Variants in GRM8 observed in about 807,000 individuals in gnomAD.
GRM8 encodes metabotropic glutamate receptor 8.
Under a neutral mutation model 87.2 loss-of-function variants are expected in GRM8, and 47 were observed. The ratio of observed to expected loss-of-function variants is 0.54; its 90% confidence interval spans 0.43 to 0.69. GRM8 has a LOEUF of 0.69. Ranked by LOEUF, GRM8 falls within the 30% of genes least tolerant of loss-of-function variation. The probability of loss-of-function intolerance (pLI) is 0.00; values close to 1 mark genes in which losing one functional copy is unlikely to be tolerated. For missense variants in GRM8, 1,019 were observed against 1,139.2 expected (o/e 0.89, Z 1.52); for synonymous variants, 396 against 404.5 (o/e 0.98, Z 0.25).
chr7:126,794,110 A>G (rs1308848517), intron 6 of GRM8, among the ~76,000 whole-genome samples: 2 of 152,162 alleles, frequency 1.3e-5, no homozygotes, highest in African/African-American at 4.8e-5. Flanking sequence ...ACAAAAACAA[A>G]GAGGCTAAAA....
intron 7 of GRM8, among the ~76,000 whole-genome samples, chr7:126,696,434 C>T (rs1364583284): frequency 6.6e-6 from 1 of 152,010 alleles, no homozygotes; most frequent in Non-Finnish European, 1.5e-5. Flanking sequence ...TCCCTGTATC[C>T]ATCTGTTCTC....
At chr7:126,813,852 G>T (rs1793522415) in intron 6 of GRM8, among the ~76,000 whole-genome samples, 2 of 151,988 alleles carry the variant, frequency 1.3e-5, no homozygotes, top group Non-Finnish European at 2.9e-5. Flanking sequence ...AGTAACCAAG[G>T]CTCATGTTTT....
chr7:126,880,507 A>G (rs1799932742), intron 6 of GRM8, among the ~76,000 whole-genome samples: 1 of 152,174 alleles, frequency 6.6e-6, no homozygotes, highest in South Asian at 2.1e-4. Flanking sequence ...GCTAGAAATG[A>G]GAATGATGTT....
chr7:126,776,859 G>A (rs1334160340), intron 6 of GRM8, among the ~76,000 whole-genome samples: 1 of 152,118 alleles, frequency 6.6e-6, no homozygotes, highest in Non-Finnish European at 1.5e-5. Flanking sequence ...GGATTCTAAG[G>A]CATGTTCTCT....
chr7:126,638,080 CCA>C (rs1220252826), intron 7 of GRM8, among the ~76,000 whole-genome samples: 1 of 151,988 alleles, frequency 6.6e-6, no homozygotes, highest in Non-Finnish European at 1.5e-5. Context: ...GCATTATATA[CCA>C]CACTTTTCTG....
intron 8 of GRM8, among the ~76,000 whole-genome samples, chr7:126,590,164 G>T (rs1423815362): frequency 6.6e-6 from 1 of 151,612 alleles, no homozygotes; most frequent in East Asian, 1.9e-4. Context: ...AATCTTCAGT[G>T]AAATTGATAG....
intron 7 of GRM8, among the ~76,000 whole-genome samples, chr7:126,616,125 G>C (rs888533440): frequency 9.6e-4 from 146 of 152,294 alleles, no homozygotes; most frequent in Non-Finnish European, 1.4e-3. Flanking sequence ...ATACTTGGAA[G>C]TAAAGCACTC....
intron 7 of GRM8, among the ~76,000 whole-genome samples, chr7:126,724,052 T>G (rs979028354): frequency 1.1e-4 from 16 of 152,228 alleles, no homozygotes; most frequent in African/African-American, 3.6e-4. Flanking sequence ...GTGAGGTGAT[T>G]AAGTGATTAT....
At chr7:126,574,571 C>A (rs1405837050) in intron 8 of GRM8, among the ~76,000 whole-genome samples, 1 of 152,190 alleles carries the variant, frequency 6.6e-6, no homozygotes, top group Non-Finnish European at 1.5e-5. Flanking sequence ...ATCTTCAGGA[C>A]TGAGGTTTGA....
chr7:126,974,175 T>G (rs1268783576), intron 3 of GRM8, among the ~76,000 whole-genome samples: 1 of 152,082 alleles, frequency 6.6e-6, no homozygotes, highest in Non-Finnish European at 1.5e-5. Context: ...TTGGATCCCA[T>G]CCCCCAGATA....
chr7:126,792,547 T>G (rs1347818520), intron 6 of GRM8, among the ~76,000 whole-genome samples: 2 of 152,200 alleles, frequency 1.3e-5, no homozygotes, highest in African/African-American at 4.8e-5. Flanking sequence ...TCTAAATTAC[T>G]CTCAGCTTTA....
chr7:126,759,716 C>T (rs1302015960), intron 7 of GRM8, among the ~76,000 whole-genome samples: 2 of 152,110 alleles, frequency 1.3e-5, no homozygotes, highest in East Asian at 3.9e-4. Flanking sequence ...CAGTCCCAAC[C>T]CACTCATCTC....
At chr7:126,439,429 CAACACAACACAT>C (rs1170206555) in intron 10 of GRM8, among the ~76,000 whole-genome samples, 7 of 152,148 alleles carry the variant, frequency 4.6e-5, no homozygotes, top group Middle Eastern at 3.4e-3. Flanking sequence ...ACACATAACA[CAACACAACACAT>C]AACACAACAC....
chr7:127,215,554 A>C (rs1203088441), intron 2 of GRM8, among the ~76,000 whole-genome samples: 1 of 152,164 alleles, frequency 6.6e-6, no homozygotes, highest in African/African-American at 2.4e-5. Flanking sequence ...TGTTATCTGC[A>C]CACACTCCCA....
chr7:127,101,921 C>T (rs1489915504), intron 3 of GRM8, among the ~76,000 whole-genome samples: 1 of 152,126 alleles, frequency 6.6e-6, no homozygotes, highest in Non-Finnish European at 1.5e-5. Flanking sequence ...TGCTTTTCAC[C>T]AAAATGTTAA....
chr7:126,810,481 T>A (rs186927531), intron 6 of GRM8, among the ~76,000 whole-genome samples: 109 of 152,294 alleles, frequency 7.2e-4, no homozygotes, highest in East Asian at 3.3e-3. Context: ...CAATAGCCAC[T>A]GCTGCAAAAA....
intron 3 of GRM8, among the ~76,000 whole-genome samples, chr7:127,090,557 A>G (rs1198670745): frequency 1.3e-5 from 2 of 152,236 alleles, no homozygotes; most frequent in Non-Finnish European, 1.5e-5. Flanking sequence ...TAAGAATGGT[A>G]GATCTACTAT....
chr7:127,155,592 G>A (rs1792674674), intron 2 of GRM8, among the ~76,000 whole-genome samples: 1 of 152,074 alleles, frequency 6.6e-6, no homozygotes, highest in Non-Finnish European at 1.5e-5. Flanking sequence ...GTGGCAATTG[G>A]AACCATATTG....
chr7:127,107,935 T>A (rs1442373786), intron 2 of GRM8, among the ~76,000 whole-genome samples: 1 of 152,212 alleles, frequency 6.6e-6, no homozygotes, highest in Non-Finnish European at 1.5e-5. Context: ...TCCATGGTGC[T>A]GACTATTCAT....
Sources: gnomAD v4.1 joint callset for allele counts (sites outside exome capture counted in the v4.1 genomes callset) on GRCh38, gnomAD v4.1.1 for gene constraint, MANE v1.5 for transcripts, NCBI Gene and HGNC (gene_info 2026-07-23, HGNC 2026-07-21) for gene names.